ZNF536: variants seen among roughly 807,000 people sequenced by gnomAD.
ZNF536 encodes the protein zinc finger protein 536.
In ZNF536, 13 loss-of-function variants were observed where a neutral mutation model predicts 84.5. The ratio of observed to expected loss-of-function variants is 0.15; its 90% confidence interval spans 0.10 to 0.24. ZNF536 has a LOEUF of 0.24. ZNF536 is among the 10% of genes least tolerant of loss of function. ZNF536 has a pLI of 1.00. For missense variants in ZNF536, 1,536 were observed against 1,747.5 expected (o/e 0.88, Z 2.16); for synonymous variants, 811 against 742.5 (o/e 1.09, Z -1.50).
In ZNF536 at chr19:30,555,012, C is replaced by T. The variant is rs547547790; in HGVS notation, c.3896-2145C>T. The stretch of plus-strand genomic sequence containing the variant: ...TTACAGTGGTAGAGGACTTGTTGAC[C>T]CAGATGGGCCGATGCCTTGTTTCTG... On this transcript the variant is annotated intron_variant, in intron 4 of 4. Transcript: ENST00000355537. 4.6e-5 allele frequency: 7 copies of T among 152,284 alleles called. No homozygotes were observed. In the South Asian group the frequency reaches 1.5e-3, roughly 32 times the overall value. 9.4% of individuals were successfully genotyped at this position (152,284 alleles called of 1,614,324 possible).
At chr19:30,496,682 A>T (rs2054732080) in intron 2 of ZNF536, among the ~76,000 whole-genome samples, 2 of 151,936 alleles carry the variant, frequency 1.3e-5, no homozygotes, top group Non-Finnish European at 2.9e-5. Context: ...AGTAGTAGAG[A>T]TGGGGGGGTT....
At chr19:30,319,313 A>G (rs562896500) in intron 2 of ZNF536, among the ~76,000 whole-genome samples, 2 of 152,054 alleles carry the variant, frequency 1.3e-5, no homozygotes, top group African/African-American at 2.4e-5. Context: ...CAATGTGACT[A>G]TCTTTTAATT....
chr19:30,614,566 G>C (rs903098132), intron 1 of ZNF536, among the ~76,000 whole-genome samples: 1 of 151,842 alleles, frequency 6.6e-6, no homozygotes, highest in Non-Finnish European at 1.5e-5. Context: ...GTTTCTGATT[G>C]TTTTTATTTG....
In ZNF536 at chr19:30,413,958, C is replaced by T. The variant is rs142639452; in HGVS notation, c.-2-29603C>T. ...AATACAAAAAATTAGCTAGGCGTGG[C>T]GGCGGGTGCCTATAATCCCAGCTAC... On this transcript the variant is annotated intron_variant, in intron 1 of 4. Transcript: ENST00000355537. 7.6e-3 allele frequency among the ~76,000 whole-genome samples: 1,156 copies of T among 151,740 alleles called. 10 individuals carry two copies. The highest frequency in any genetic ancestry group is 0.027 in the African/African-American group (1,112 of 41,402).
chr19:30,399,966 G>A (rs931120964), intron 1 of ZNF536, among the ~76,000 whole-genome samples: 12 of 152,282 alleles, frequency 7.9e-5, no homozygotes, highest in African/African-American at 2.9e-4. Flanking sequence ...GGGATTACAG[G>A]CGTGAGCCAC....
chr19:30,494,791 C>A, intron 2 of ZNF536, among the ~76,000 whole-genome samples: 1 of 151,822 alleles, frequency 6.6e-6, no homozygotes, highest in Non-Finnish European at 1.5e-5. Context: ...ACTAAAAATA[C>A]AAAAATCAGC....
intron 1 of ZNF536, among the ~76,000 whole-genome samples, chr19:30,259,246 G>T (rs1196151419): frequency 6.6e-6 from 1 of 152,126 alleles, no homozygotes; most frequent in Non-Finnish European, 1.5e-5. Context: ...TCATATATGG[G>T]TGATTACACT....
Position 30,548,960 on chromosome 19 carries a change from A to C in ZNF536, c.3341A>C (p.Gln1114Pro). 9 of 1,614,140 alleles carry C rather than the reference A, an allele frequency of 5.6e-6. No individual in the cohort carries two copies. Among genetic ancestry groups the C allele is most frequent in the Non-Finnish European group, 7.6e-6 (9 of 1,180,022 alleles). Residue 1114 changes from glutamine (Q) to proline (P), a missense_variant, in exon 4 of 5, where the codon CAG (glutamine) becomes CCG (proline). Physicochemically the swap from Gln to Pro is moderately conservative, Grantham distance 76. This residue lies in a region of ZNF536 where 624 missense variants were observed against 603.1 expected (regional missense o/e 1.03). Transcript: ENST00000355537. ...FCNFPSDFYK[Q>P]FGVYPGMVGS... The stretch of plus-strand genomic sequence containing the variant: ...AACTTCCCATCAGACTTCTACAAGC[A>C]GTTTGGTGTTTACCCAGGCATGGTT...
At chr19:30,504,104 A>G (rs1430314966) in intron 2 of ZNF536, among the ~76,000 whole-genome samples, 1 of 152,124 alleles carries the variant, frequency 6.6e-6, no homozygotes, top group Non-Finnish European at 1.5e-5. Flanking sequence ...ATGGCCACTT[A>G]GGAGCTCTTA....
intron 3 of ZNF536, among the ~76,000 whole-genome samples, chr19:30,354,488 G>A (rs184770513): frequency 2.9e-4 from 44 of 152,194 alleles, no homozygotes; most frequent in East Asian, 1.7e-3. Flanking sequence ...CCTCCTTGGC[G>A]TCCCAACGTA....
chr19:30,552,978 C>A (rs1207270670), intron 4 of ZNF536, among the ~76,000 whole-genome samples: 6 of 152,168 alleles, frequency 3.9e-5, no homozygotes, highest in Non-Finnish European at 2.9e-5. Context: ...GGGGTCTGAT[C>A]TCATTATAGG....
At chr19:30,560,936 G>A (rs565103929), downstream of ZNF536, among the ~76,000 whole-genome samples, 3 of 152,244 alleles carry the variant, frequency 2.0e-5, no homozygotes, top group Non-Finnish European at 4.4e-5. Flanking sequence ...CAAGGTTAAA[G>A]TTGGGGAACT....
At chr19:30,567,273 G>A (rs28461729) in intron 1 of ZNF536, among the ~76,000 whole-genome samples, 52,326 of 152,114 alleles carry the variant, frequency 0.34, 9,016 homozygotes, top group East Asian at 0.42. Flanking sequence ...CCTGAGACAG[G>A]GCCTGGGGAG....
At position 30,472,080 on chromosome 19, in the gene ZNF536, C is replaced by T. The variant is rs181288154; in HGVS notation, c.2170+26348C>T. On this transcript the variant is annotated intron_variant, in intron 2 of 4. Transcript: ENST00000355537. ...GCATCGCGCTACCTGGTCTCAGGTG[C>T]ATACCTGCGGAAGCAGAGTCCTCAC... Among the ~76,000 whole-genome samples, 129 of 152,320 alleles carry T rather than the reference C, an allele frequency of 8.5e-4. 1 individual carries two copies. The highest frequency in any genetic ancestry group is 2.8e-3 in the African/African-American group (115 of 41,570).
chr19:30,369,443 T>A (rs1038968110), upstream of ZNF536, among the ~76,000 whole-genome samples: 1 of 152,200 alleles, frequency 6.6e-6, no homozygotes, highest in African/African-American at 2.4e-5. Context: ...GAAACATGAA[T>A]GCATTAAATG....
At chr19:30,637,235 C>G (rs568053489) in intron 1 of ZNF536, among the ~76,000 whole-genome samples, 1 of 152,334 alleles carries the variant, frequency 6.6e-6, no homozygotes, top group Admixed American at 6.5e-5. Context: ...TTTCCCCATA[C>G]AGGCCTCTTT....
chr19:30,668,708 C>T (rs2050425246), intron 1 of ZNF536: 1 of 152,196 alleles, frequency 6.6e-6, no homozygotes, highest in Non-Finnish European at 1.5e-5. Flanking sequence ...TTTGCCACAC[C>T]CACTTCGAGG....
In ZNF536 at chr19:30,652,254, C is replaced by A. The variant is rs183689850; in HGVS notation, c.170-58503C>A. 1.4e-4 allele frequency among the ~76,000 whole-genome samples: 21 copies of A among 152,254 alleles called. No individual in the cohort carries two copies. In the East Asian group the frequency reaches 3.3e-3, roughly 24 times the overall value. On this transcript the variant is annotated intron_variant, in intron 1 of 1. Coordinates refer to the ZNF536 transcript ENST00000592773. Reference sequence around the variant, plus strand: ...GTAAATACAGGGAGGTTTAACATAACTTTATTATCTTGCTGTCTTTTCTTC... The same window carrying A: ...GTAAATACAGGGAGGTTTAACATAAATTTATTATCTTGCTGTCTTTTCTTC...
chr19:30,534,791 C>T (rs1344218710), intron 2 of ZNF536, 56 bp from the exon 3 acceptor site: 1 of 1,517,448 alleles, frequency 6.6e-7, no homozygotes, highest in Non-Finnish European at 8.9e-7. Context: ...AGTTTTGGTG[C>T]GAACAACTCC....
Sources: gnomAD v4.1 joint callset for allele counts (sites outside exome capture counted in the v4.1 genomes callset) on GRCh38, gnomAD v4.1.1 for gene constraint, gnomAD v4.1.1 regional missense constraint, MANE v1.5 for transcripts, NCBI Gene and HGNC (gene_info 2026-07-23, HGNC 2026-07-21) for gene names.